Variants in ANKRD50 observed in about 807,000 individuals in gnomAD.
The protein encoded by ANKRD50 is ankyrin repeat domain 50, also known as ankyrin repeat domain-containing protein 50.
Under a neutral mutation model 112.0 loss-of-function variants are expected in ANKRD50, and 40 were observed. That is an observed-to-expected ratio of 0.36 (90% confidence interval 0.28 to 0.46). The LOEUF (loss-of-function observed/expected upper bound fraction) is 0.46. ANKRD50 is among the 20% of genes least tolerant of loss of function. The probability of loss-of-function intolerance (pLI) is 1.00; values close to 1 mark genes in which losing one functional copy is unlikely to be tolerated. For synonymous variants in ANKRD50, 613 were observed against 619.1 expected (o/e 0.99, Z 0.15); for missense variants, 1,487 against 1,701.7 (o/e 0.87, Z 2.22).
Position 124,671,150 on chromosome 4 carries a change from A to G in ANKRD50, c.2127T>C (p.Asp709=). ...CAGCTACAGAGAGTGCAGTCCTGCC[A>G]TCAACATCCTCATGATTTACTTCTG... The part of the protein sequence containing the change: ...HGAEVNHEDV[D]GRTALSVAAL... The change falls in exon 4 of 5, where the codon GAT becomes GAC. Residue 709 remains aspartate, a synonymous_variant. Coordinates refer to ENST00000504087, the MANE Select transcript of ANKRD50 (RefSeq NM_020337.3). 1.2e-6 allele frequency: 2 copies of G among 1,613,892 alleles called. No homozygotes were observed. The highest frequency in any genetic ancestry group is 1.7e-6 in the Non-Finnish European group (2 of 1,179,852).
intron 2 of ANKRD50, among the ~76,000 whole-genome samples, chr4:124,709,625 G>A (rs1255924957): frequency 1.3e-5 from 2 of 151,554 alleles, no homozygotes; most frequent in East Asian, 1.9e-4. Context: ...AAAGATACTA[G>A]ATGCTATACT....
rs1292085321 is a variant in ANKRD50, at chr4:124,669,605, TG to T, written c.3671del (p.Pro1224HisfsTer19). On this transcript the variant is annotated frameshift_variant, in exon 4 of 5. Coordinates refer to ENST00000504087, the MANE Select transcript of ANKRD50 (RefSeq NM_020337.3). LOFTEE classifies it high-confidence loss of function. Reference protein sequence around the residue: ...FTEQIQQHSLPRSRSRQSIVS... With the variant: ...FTEQIQQHSLXRSRSRQSIVS... ...CAATTGACTGTCGACTTCTACTGCG[TG>T]GCAATGAATGCTGCTGAATTTGTTC... 6.2e-7 allele frequency: 1 copy of T among 1,613,734 alleles called. No homozygotes were observed. Among genetic ancestry groups the T allele is most frequent in the Non-Finnish European group, 8.5e-7 (1 of 1,179,846 alleles).
chr4:124,690,706 T>C (rs1004842826), intron 2 of ANKRD50, among the ~76,000 whole-genome samples: 4 of 152,200 alleles, frequency 2.6e-5, no homozygotes, highest in African/African-American at 7.2e-5. Flanking sequence ...ACTCTTGGGA[T>C]GCTGTTAAAT....
intron 2 of ANKRD50, among the ~76,000 whole-genome samples, chr4:124,704,669 A>G (rs1387233547): frequency 6.6e-6 from 1 of 152,276 alleles, no homozygotes; most frequent in African/African-American, 2.4e-5. Flanking sequence ...AAAGACAGTC[A>G]TTTAACAATT....
intron 2 of ANKRD50, among the ~76,000 whole-genome samples, chr4:124,700,583 C>T (rs1426769182): frequency 6.6e-6 from 1 of 151,676 alleles, no homozygotes; most frequent in Middle Eastern, 3.2e-3. Context: ...ACTGAGTTAT[C>T]AATGGTGACT....
At chr4:124,695,257 A>G (rs1380198864) in intron 2 of ANKRD50, among the ~76,000 whole-genome samples, 2 of 152,162 alleles carry the variant, frequency 1.3e-5, no homozygotes, top group African/African-American at 2.4e-5. Flanking sequence ...AGAATTTCAG[A>G]GGATAGGAGC....
chr4:124,691,695 C>T (rs1022473312), intron 2 of ANKRD50, among the ~76,000 whole-genome samples: 1 of 151,986 alleles, frequency 6.6e-6, no homozygotes, highest in South Asian at 2.1e-4. Flanking sequence ...GTAATTCTCT[C>T]CCCCTGGCCC....
chr4:124,669,964 A>G lies in ANKRD50; in HGVS notation c.3313T>C (p.Leu1105=). 6 of 1,611,912 alleles carry G rather than the reference A, an allele frequency of 3.7e-6. No individual in the cohort carries two copies. Among genetic ancestry groups the G allele is most frequent in the Non-Finnish European group, 5.1e-6 (6 of 1,179,512 alleles). The change falls in exon 4 of 5, where the codon TTG becomes CTG. Residue 1105 remains leucine (L), a synonymous_variant. Coordinates refer to ENST00000504087, the MANE Select transcript of ANKRD50 (RefSeq NM_020337.3). The stretch of plus-strand genomic sequence containing the variant: ...ACAGGAGATGGGGAACAGCCATTCA[A>G]ACTAGATGCACCATATTTTTCTAAT... ...KLLEKYGASS[L]NGCSPSPVHT...
chr4:124,685,488 C>T (rs1724986262), intron 2 of ANKRD50, among the ~76,000 whole-genome samples: 1 of 152,064 alleles, frequency 6.6e-6, no homozygotes, highest in Admixed American at 6.5e-5. Flanking sequence ...AAATGAAAAT[C>T]CCACCAAAGT....
At chr4:124,667,888 G>A (rs1258800424) in intron 4 of ANKRD50, among the ~76,000 whole-genome samples, 1 of 151,822 alleles carries the variant, frequency 6.6e-6, no homozygotes, top group Non-Finnish European at 1.5e-5. Context: ...TCACATTGAA[G>A]GCTGTTTATT....
At chr4:124,705,328 A>C (rs1725482155) in intron 2 of ANKRD50, among the ~76,000 whole-genome samples, 1 of 151,952 alleles carries the variant, frequency 6.6e-6, no homozygotes, top group African/African-American at 2.4e-5. Flanking sequence ...TTTCTATTAA[A>C]CTCTCAAAAC....
In ANKRD50 at chr4:124,698,574, G is replaced by T. The variant is rs549077891; in HGVS notation, c.512+11426C>A. Among the ~76,000 whole-genome samples, 56 of 152,098 alleles carry T rather than the reference G, an allele frequency of 3.7e-4. 1 individual carries two copies. The South Asian group carries it at 0.012, about 32-fold the overall frequency. On this transcript the variant is annotated intron_variant, in intron 2 of 4. Transcript: ENST00000504087. Reference sequence around the variant, plus strand: ...TTAGTGTTTCTCAGAGTGTGGTATGGGGACCCTGGAAGACTCTGAGAACTT... The same window carrying T: ...TTAGTGTTTCTCAGAGTGTGGTATGTGGACCCTGGAAGACTCTGAGAACTT...
chr4:124,668,458 C>T (rs1730548820), intron 4 of ANKRD50, among the ~76,000 whole-genome samples: 1 of 152,136 alleles, frequency 6.6e-6, no homozygotes. Context: ...GACATTATTG[C>T]ATTCAAACCA....
At position 124,671,282 on chromosome 4, in the gene ANKRD50, T is replaced by C. The variant is rs552158746; in HGVS notation, c.1995A>G (p.Gln665=). 70 of 1,613,818 alleles carry C rather than the reference T, an allele frequency of 4.3e-5. No individual in the cohort carries two copies. The South Asian group carries it at 5.9e-4, about 14-fold the overall frequency. ...GHEDIVLNLL[Q]HGAEVNKADN... is the part of the protein sequence containing the mutation. ...CAGCTTTGTTCACTTCAGCGCCATG[T>C]TGTAGCAAATTCAGTACAATATCCT... Residue 665 remains glutamine, a synonymous_variant, in exon 4 of 5, where the codon CAA becomes CAG. Transcript: ENST00000504087.
chr4:124,712,111 G>A (rs1210226127), intron 1 of ANKRD50, among the ~76,000 whole-genome samples: 3 of 152,118 alleles, frequency 2.0e-5, no homozygotes, highest in African/African-American at 2.4e-5. Context: ...GAGCGAAGGT[G>A]CAGCCTCCAC....
Position 124,710,133 on chromosome 4 carries a change from T to A in ANKRD50, c.379A>T (p.Ile127Phe), listed in dbSNP as rs1725596083. ...CAGATCTGGGCTACTAGACCTCTAATAAACCCTCCAACACACAAAGTATCA... is the reference window on the plus strand; with the variant it reads ...CAGATCTGGGCTACTAGACCTCTAAAAAACCCTCCAACACACAAAGTATCA... ...DSDTLCVGGF[I>F]RGLVAQICRS... The change falls in exon 2 of 5, where the codon ATT becomes TTT. Residue 127 changes from isoleucine to phenylalanine, a missense_variant. This residue lies in a region of ANKRD50 where 1,046 missense variants were observed against 1,269.5 expected (regional missense o/e 0.82). Coordinates refer to ENST00000504087, the MANE Select transcript of ANKRD50 (RefSeq NM_020337.3). 1 of 1,614,068 alleles carries A rather than the reference T, an allele frequency of 6.2e-7. No homozygotes were observed.
intron 2 of ANKRD50, among the ~76,000 whole-genome samples, chr4:124,683,343 C>A (rs180728524): frequency 1.3e-5 from 2 of 151,144 alleles, no homozygotes; most frequent in Non-Finnish European, 3.0e-5. Flanking sequence ...TTTGGGGGTA[C>A]GAAATATGTG....
intron 2 of ANKRD50, among the ~76,000 whole-genome samples, chr4:124,708,721 T>TAC (rs1193261113): frequency 8.9e-6 from 1 of 111,760 alleles, no homozygotes; most frequent in Non-Finnish European, 1.9e-5. Flanking sequence ...CACACACACA[T>TAC]ACACACACAC....
rs1730514698 is a variant in ANKRD50, at chr4:124,667,200, CATCTT to C, written c.*313_*317del. The C allele has an allele frequency of 6.6e-6, 1 of 152,002 alleles. No homozygotes were observed. Among genetic ancestry groups the C allele is most frequent in the Admixed American group, 6.6e-5 (1 of 15,228 alleles). 9.4% of individuals were successfully genotyped at this position (152,002 alleles called of 1,614,324 possible). ...TATGGCACATGCACATTTTTTATCA[CATCTT>C]AACTTAAAATACTCAAATTTTCTTT... On this transcript the variant is annotated 3_prime_UTR_variant, in exon 5 of 5. Transcript: ENST00000504087.
Sources: allele counts gnomAD v4.1 joint callset (sites outside exome capture counted in the v4.1 genomes callset), GRCh38; gene constraint gnomAD v4.1.1; regional missense constraint gnomAD v4.1.1; transcripts MANE v1.5; gene names NCBI Gene and HGNC (gene_info 2026-07-23, HGNC 2026-07-21).